Variants in CEP112 observed in about 807,000 individuals in gnomAD.
The protein encoded by CEP112 is centrosomal protein 112, also known as centrosomal protein of 112 kDa.
CEP112 carries 127 observed loss-of-function variants against 153.0 expected under a neutral mutation model. That is an observed-to-expected ratio of 0.83 (90% CI 0.72 to 0.96). CEP112 has a LOEUF of 0.96. Ranked by LOEUF, CEP112 falls within the 40% of genes least tolerant of loss-of-function variation. The pLI, the probability that CEP112 is intolerant of heterozygous loss-of-function variation, is 0.00. For missense variants in CEP112, 1,089 were observed against 1,101.2 expected (o/e 0.99, Z 0.16); for synonymous variants, 358 against 374.4 (o/e 0.96, Z 0.51).
In CEP112 at chr17:65,639,994, T is replaced by C. The variant is rs1471756580; in HGVS notation, c.2799+970A>G. Among the ~76,000 whole-genome samples, 397 of 146,776 alleles carry C rather than the reference T, an allele frequency of 2.7e-3. 2 individuals are homozygous for C. Among genetic ancestry groups the C allele is most frequent in the African/African-American group, 9.6e-3 (372 of 38,702 alleles). ...CTGGGATAACAGGCATGCACCACCATGCCTGGCTAATTTTTGTATTTTTAG... is the reference window on the plus strand; with the variant it reads ...CTGGGATAACAGGCATGCACCACCACGCCTGGCTAATTTTTGTATTTTTAG... On this transcript the variant is annotated intron_variant, in intron 25 of 26. Transcript: ENST00000535342.
intron 23 of CEP112, among the ~76,000 whole-genome samples, chr17:65,704,050 T>A (rs1197371894): frequency 6.6e-6 from 1 of 151,720 alleles, no homozygotes; most frequent in African/African-American, 2.4e-5. Context: ...CACCCTGGAG[T>A]AGAGTGGGCT....
intron 16 of CEP112, among the ~76,000 whole-genome samples, chr17:66,009,143 T>G (rs116950656): frequency 2.0e-5 from 3 of 152,034 alleles, no homozygotes; most frequent in Middle Eastern, 3.4e-3. Flanking sequence ...CAACAGAGTA[T>G]AGACGCTCTC....
chr17:66,105,661 G>T (rs544381869), intron 6 of CEP112, among the ~76,000 whole-genome samples: 1 of 152,150 alleles, frequency 6.6e-6, no homozygotes, highest in South Asian at 2.1e-4. Context: ...GGGCATTGTA[G>T]CGTGCACCTG....
intron 21 of CEP112, among the ~76,000 whole-genome samples, chr17:65,843,054 G>C (rs1041787492): frequency 2.0e-5 from 3 of 152,016 alleles, no homozygotes; most frequent in Non-Finnish European, 4.4e-5. Flanking sequence ...AAAAGTGTTA[G>C]TTTTTGTATA....
chr17:66,124,411 A>G (rs1438274520), intron 6 of CEP112, among the ~76,000 whole-genome samples: 3 of 152,180 alleles, frequency 2.0e-5, no homozygotes, highest in African/African-American at 7.2e-5. Context: ...TACATGGGAA[A>G]AAAAAAGTAT....
intron 11 of CEP112, among the ~76,000 whole-genome samples, chr17:66,059,329 T>A (rs192124334): frequency 2.0e-5 from 3 of 152,250 alleles, no homozygotes; most frequent in Non-Finnish European, 2.9e-5. Flanking sequence ...AAAGAACTTT[T>A]GCACAGCAAA....
intron 16 of CEP112, among the ~76,000 whole-genome samples, chr17:66,010,756 G>A (rs1177735205): frequency 3.3e-5 from 5 of 152,028 alleles, no homozygotes; most frequent in Non-Finnish European, 7.4e-5. Flanking sequence ...GTGATGAATT[G>A]CATTTATTGA....
intron 18 of CEP112, among the ~76,000 whole-genome samples, chr17:65,951,809 A>G (rs2061846862): frequency 7.7e-6 from 1 of 130,138 alleles, no homozygotes; most frequent in African/African-American, 2.9e-5. Flanking sequence ...TCATCAGGTG[A>G]AGTTTAGGTT....
chr17:65,656,749 T>C (rs149338089), intron 24 of CEP112, among the ~76,000 whole-genome samples: 162 of 152,326 alleles, frequency 1.1e-3, no homozygotes, highest in Non-Finnish European at 2.0e-3. Flanking sequence ...CTGTGTTCAT[T>C]TTGCTGACTG....
chr17:66,109,959 G>A (rs534939172), intron 6 of CEP112, among the ~76,000 whole-genome samples: 6 of 152,282 alleles, frequency 3.9e-5, no homozygotes, highest in Non-Finnish European at 7.4e-5. Context: ...AGGAGATCGT[G>A]ACCATCCTGG....
At chr17:66,163,163 T>C (rs2071785942) in intron 4 of CEP112, among the ~76,000 whole-genome samples, 1 of 152,144 alleles carries the variant, frequency 6.6e-6, no homozygotes, top group Non-Finnish European at 1.5e-5. Flanking sequence ...ATATACTATT[T>C]ATTGGCTAGG....
At chr17:66,154,191 G>A (rs1200832268) in intron 4 of CEP112, among the ~76,000 whole-genome samples, 1 of 148,164 alleles carries the variant, frequency 6.7e-6, no homozygotes, top group Non-Finnish European at 1.5e-5. Context: ...AAAAAGGGGG[G>A]GCCAACTACA....
In CEP112 at chr17:66,129,820, C is replaced by T; in HGVS notation, c.568G>A (p.Val190Ile). The T allele has an allele frequency of 1.2e-6, 2 of 1,602,178 alleles. No individual in the cohort carries two copies. The highest frequency in any genetic ancestry group is 1.7e-6 in the Non-Finnish European group (2 of 1,171,458). The change falls in exon 6 of 27, where the codon GTT becomes ATT. Residue 190 changes from valine to isoleucine, a missense_variant. Coordinates refer to ENST00000535342, the MANE Select transcript of CEP112 (RefSeq NM_001199165.4). ...GAAACAGGAGATTTTTTCGAATAAA[C>T]TTCCTGAAATACAAAAGGGAAAAAG... ...GQNITPKICE[V>I]YSKKSPVSLD...
intron 21 of CEP112, among the ~76,000 whole-genome samples, chr17:65,801,867 T>C (rs2055298876): frequency 6.6e-6 from 1 of 152,210 alleles, no homozygotes; most frequent in Non-Finnish European, 1.5e-5. Flanking sequence ...TTTTTCCCCC[T>C]GCCCACGGGA....
intron 8 of CEP112, among the ~76,000 whole-genome samples, chr17:66,087,651 A>C (rs1420298189): frequency 6.6e-6 from 1 of 152,216 alleles, no homozygotes; most frequent in Non-Finnish European, 1.5e-5. Context: ...ATGCACAAAA[A>C]TACCTTCATA....
chr17:65,963,436 G>A (rs2062287722), intron 17 of CEP112, among the ~76,000 whole-genome samples: 1 of 152,042 alleles, frequency 6.6e-6, no homozygotes, highest in Non-Finnish European at 1.5e-5. Flanking sequence ...TCCACTCTAA[G>A]ACACAAAAAT....
At chr17:66,076,019 T>C (rs2067480122) in intron 8 of CEP112, among the ~76,000 whole-genome samples, 1 of 151,982 alleles carries the variant, frequency 6.6e-6, no homozygotes, top group Non-Finnish European at 1.5e-5. Flanking sequence ...CTGAGTGAAA[T>C]ACAGGGGTAG....
chr17:65,822,320 T>C (rs1008886477), intron 21 of CEP112, among the ~76,000 whole-genome samples: 6 of 152,096 alleles, frequency 3.9e-5, no homozygotes, highest in African/African-American at 1.2e-4. Flanking sequence ...CCACAGGGGA[T>C]TGGTTCCAGG....
At chr17:66,129,616 C>G in intron 6 of CEP112, 130 bp downstream of exon 6, 2 of 590,070 alleles carry the variant, frequency 3.4e-6, no homozygotes, top group Non-Finnish European at 5.8e-6. Context: ...AAGCCCTTCT[C>G]AAGGCCACAC....
Sources: allele counts gnomAD v4.1 joint callset (sites outside exome capture counted in the v4.1 genomes callset), GRCh38; gene constraint gnomAD v4.1.1; transcripts MANE v1.5; gene names NCBI Gene and HGNC (gene_info 2026-07-23, HGNC 2026-07-21).